Variants in PALLD observed in about 807,000 individuals in gnomAD.
PALLD encodes the protein palladin, cytoskeletal associated protein, also known as palladin.
A neutral mutation model predicts 123.5 loss-of-function variants in PALLD; 61 were observed. That is an observed-to-expected ratio of 0.49 (90% CI 0.40 to 0.61). The LOEUF is 0.61. Ranked by LOEUF, PALLD falls within the 20% of genes least tolerant of loss-of-function variation. The probability of loss-of-function intolerance (pLI) is 0.00; values close to 1 mark genes in which losing one functional copy is unlikely to be tolerated. For missense variants in PALLD, 1,273 were observed against 1,377.0 expected (o/e 0.92, Z 1.20); for synonymous variants, 465 against 496.4 (o/e 0.94, Z 0.84).
intron 2 of PALLD, among the ~76,000 whole-genome samples, chr4:168,627,403 G>A (rs536038406): frequency 9.3e-4 from 142 of 152,152 alleles, no homozygotes; most frequent in African/African-American, 3.1e-3. Flanking sequence ...CCAGATACTC[G>A]GGAGGCTGAT....
At chr4:168,824,960 T>C (rs191228683) in intron 10 of PALLD, among the ~76,000 whole-genome samples, 3 of 151,832 alleles carry the variant, frequency 2.0e-5, no homozygotes, top group African/African-American at 7.2e-5. Flanking sequence ...TAGCTGGGAC[T>C]ACAGACGCAC....
At chr4:168,664,920 G>A (rs1779486343) in intron 2 of PALLD, among the ~76,000 whole-genome samples, 1 of 152,224 alleles carries the variant, frequency 6.6e-6, no homozygotes, top group African/African-American at 2.4e-5. Flanking sequence ...CAATGGCAGA[G>A]CAAAGAGGCT....
intron 2 of PALLD, among the ~76,000 whole-genome samples, chr4:168,555,113 A>G (rs1197480065): frequency 6.6e-6 from 1 of 152,238 alleles, no homozygotes; most frequent in African/African-American, 2.4e-5. Context: ...CTAATGAAGT[A>G]TGAAAGAAAG....
intron 10 of PALLD, among the ~76,000 whole-genome samples, chr4:168,835,857 C>T (rs914213598): frequency 6.6e-6 from 1 of 152,058 alleles, no homozygotes. Context: ...AGCCACTGTG[C>T]CTGGCTCAAA....
At chr4:168,873,780 T>A (rs1244129038) in intron 10 of PALLD, among the ~76,000 whole-genome samples, 1 of 152,200 alleles carries the variant, frequency 6.6e-6, no homozygotes, top group Non-Finnish European at 1.5e-5. Context: ...TAACTGATGG[T>A]GAATTTTTTA....
intron 15 of PALLD, among the ~76,000 whole-genome samples, chr4:168,907,998 C>T (rs1166744498): frequency 6.6e-6 from 1 of 152,192 alleles, no homozygotes; most frequent in African/African-American, 2.4e-5. Flanking sequence ...TAACCCAAGA[C>T]AGGCAAAAGG....
At chr4:168,529,424 G>A (rs1482001342) in intron 2 of PALLD, among the ~76,000 whole-genome samples, 4 of 152,098 alleles carry the variant, frequency 2.6e-5, no homozygotes, top group African/African-American at 7.2e-5. Flanking sequence ...TAGCGCAAGT[G>A]CAGGGAGCCA....
intron 13 of PALLD, chr4:168,898,216 T>A: frequency 2.1e-6 from 1 of 474,250 alleles, no homozygotes; most frequent in Non-Finnish European, 3.9e-6. Flanking sequence ...TCCTTCCCCT[T>A]GTTTCCCCTC....
chr4:168,882,946 C>T (rs1335513137), intron 10 of PALLD, among the ~76,000 whole-genome samples: 1 of 151,952 alleles, frequency 6.6e-6, no homozygotes, highest in Non-Finnish European at 1.5e-5. Context: ...AAAAATTAGC[C>T]GGGCATGGTG....
At position 168,819,284 on chromosome 4, in the gene PALLD, A is replaced by G. The variant is rs542248986; in HGVS notation, c.1965-71638A>G. Reference sequence around the variant, plus strand: ...CAAGTGTAATTCTTTTGTGAGAAAAACAATCACCCACAAAAATGTAACTGC... The same window carrying G: ...CAAGTGTAATTCTTTTGTGAGAAAAGCAATCACCCACAAAAATGTAACTGC... On this transcript the variant is annotated intron_variant, in intron 10 of 21. Coordinates refer to ENST00000505667, the MANE Select transcript of PALLD (RefSeq NM_001166108.2). Among the ~76,000 whole-genome samples, 16 of 152,234 alleles carry G rather than the reference A, an allele frequency of 1.1e-4. No homozygotes were observed. The South Asian group carries it at 3.3e-3, about 32-fold the overall frequency.
At position 168,896,208 on chromosome 4, in the gene PALLD, C is replaced by CAA. The variant is rs35567491; in HGVS notation, c.2200-326_2200-325dup. The stretch of plus-strand genomic sequence containing the variant: ...CAGGTGACAGAGCGAGACTCCATCT[C>CAA]AAAAAAAAAAAAAAAAGTGCATTTA... On this transcript the variant is annotated intron_variant, in intron 12 of 21. Transcript: ENST00000505667. Among the ~76,000 whole-genome samples, 1,221 of 132,046 alleles carry CAA rather than the reference C, an allele frequency of 9.2e-3. 17 individuals are homozygous for CAA. Among genetic ancestry groups the CAA allele is most frequent in the South Asian group, 0.025 (105 of 4,132 alleles). 86.6% of individuals were successfully genotyped at this position (132,046 alleles called of 152,430 possible). A position where few individuals can be genotyped will look rare whatever the true frequency, so the allele number is the denominator to read the frequency against.
intron 2 of PALLD, among the ~76,000 whole-genome samples, chr4:168,563,322 G>A (rs1440836789): frequency 6.6e-6 from 1 of 152,170 alleles, no homozygotes; most frequent in East Asian, 1.9e-4. Flanking sequence ...GCAGTTAAAG[G>A]CATGTCTTTT....
At chr4:168,670,623 C>G (rs1392443953) in intron 3 of PALLD, among the ~76,000 whole-genome samples, 2 of 150,712 alleles carry the variant, frequency 1.3e-5, no homozygotes, top group African/African-American at 2.5e-5. Flanking sequence ...GTCCCAGCTA[C>G]TCGGGAGGCT....
intron 2 of PALLD, among the ~76,000 whole-genome samples, chr4:168,637,724 A>C (rs1776485938): frequency 6.6e-6 from 1 of 152,122 alleles, no homozygotes; most frequent in Non-Finnish European, 1.5e-5. Flanking sequence ...CAGGTGGATC[A>C]CTTGAGGTCA....
chr4:168,668,302 C>T lies in PALLD; in HGVS notation c.1021C>T (p.Arg341Cys), dbSNP rs376664800. Residue 341 changes from arginine (R) to cysteine (C), a missense_variant, in exon 3 of 22, where the codon CGC becomes TGC. Transcript: ENST00000505667. ...AGAGGCCTTTGAGGACGACACAGGT[C>T]GCTACACCTGTTTGGCTACGAATCC... ...IAEAFEDDTG[R>C]YTCLATNPSG... 20 of 1,613,796 alleles carry T rather than the reference C, an allele frequency of 1.2e-5. No homozygotes were observed. Among genetic ancestry groups the T allele is most frequent in the Admixed American group, 6.7e-5 (4 of 59,998 alleles).
chr4:168,636,534 T>C (rs972403431), intron 2 of PALLD, among the ~76,000 whole-genome samples: 2 of 152,178 alleles, frequency 1.3e-5, no homozygotes, highest in Non-Finnish European at 2.9e-5. Context: ...TCTCATGATC[T>C]GTCCACCATA....
At chr4:168,750,618 TACAG>T (rs1730933087) in intron 10 of PALLD, among the ~76,000 whole-genome samples, 1 of 152,202 alleles carries the variant, frequency 6.6e-6, no homozygotes, top group Non-Finnish European at 1.5e-5. Flanking sequence ...AGTCACTGAC[TACAG>T]TCTTAGTTAC....
At chr4:168,534,566 C>T (rs912607484) in intron 2 of PALLD, among the ~76,000 whole-genome samples, 1 of 152,176 alleles carries the variant, frequency 6.6e-6, no homozygotes, top group Non-Finnish European at 1.5e-5. Flanking sequence ...AAGAACTATT[C>T]ATTTCAAATG....
rs562535291 is a variant in PALLD, at chr4:168,869,296, T to C, written c.1965-21626T>C. On this transcript the variant is annotated intron_variant, in intron 10 of 21. Transcript: ENST00000505667. This position sits in a 1 kb window ranked among gnomAD's most constrained non-coding sequence, Gnocchi z 4.5. ...AATAATCAAGAAGATAGAACACATCTGGCTCTGGGCGATCTGGGCTGGTGT... is the reference window on the plus strand; with the variant it reads ...AATAATCAAGAAGATAGAACACATCCGGCTCTGGGCGATCTGGGCTGGTGT... Among the ~76,000 whole-genome samples the C allele has an allele frequency of 2.0e-5, 3 of 152,290 alleles. No individual in the cohort carries two copies. Among genetic ancestry groups the C allele is most frequent in the African/African-American group, 7.2e-5 (3 of 41,564 alleles).
Sources: allele counts gnomAD v4.1 joint callset (sites outside exome capture counted in the v4.1 genomes callset), GRCh38; gene constraint gnomAD v4.1.1; non-coding constraint Gnocchi (gnomAD v3.1); transcripts MANE v1.5; gene names NCBI Gene and HGNC (gene_info 2026-07-23, HGNC 2026-07-21).